Variants in NWD1 observed in about 807,000 individuals in gnomAD.
The protein encoded by NWD1 is NACHT domain- and WD repeat-containing protein 1.
NWD1 carries 129 observed loss-of-function variants against 135.1 expected under a neutral mutation model. That is an observed-to-expected ratio of 0.96 (90% CI 0.83 to 1.11). The LOEUF is 1.11. Ranked by LOEUF, NWD1 falls within the 50% of genes least tolerant of loss-of-function variation. The pLI is 0.00. For missense variants in NWD1, 1,740 were observed against 1,851.3 expected, an observed-to-expected ratio of 0.94 and a Z score of 1.10; for synonymous variants, 773 against 786.0, an observed-to-expected ratio of 0.98 and a Z score of 0.28.
At chr19:16,746,354 C>T (rs1054857531) in intron 5 of NWD1, among the ~76,000 whole-genome samples, 19 of 149,434 alleles carry the variant, frequency 1.3e-4, no homozygotes, top group Non-Finnish European at 1.8e-4. Flanking sequence ...AGTGAGACCC[C>T]GTATCAAACA....
Position 16,746,154 on chromosome 19 carries a change from G to T in NWD1, c.496+1436G>T, listed in dbSNP as rs150741756. 4.9e-3 allele frequency among the ~76,000 whole-genome samples: 724 copies of T among 149,088 alleles called. 3 individuals are homozygous for T. Among genetic ancestry groups the T allele is most frequent in the African/African-American group, 0.017 (700 of 40,228 alleles). ...TGGATTACTTGAGCCCCGAGTTGGAGACCAGTCTGGGCAACATGGCAAAAC... is the reference window on the plus strand; with the variant it reads ...TGGATTACTTGAGCCCCGAGTTGGATACCAGTCTGGGCAACATGGCAAAAC... On this transcript the variant is annotated intron_variant, in intron 5 of 18. Transcript: ENST00000524140.
chr19:16,769,962 C>A (rs1467463966), intron 10 of NWD1, among the ~76,000 whole-genome samples: 4 of 152,198 alleles, frequency 2.6e-5, no homozygotes, highest in African/African-American at 7.2e-5. Flanking sequence ...CTCAGCCTCC[C>A]AAGTAGCTGG....
intron 17 of NWD1, among the ~76,000 whole-genome samples, chr19:16,805,013 ATATTTATT>A (rs1041140336): frequency 1.3e-5 from 2 of 150,692 alleles, no homozygotes; most frequent in East Asian, 2.0e-4. Context: ...ATTTTTAAAA[ATATTTATT>A]TATTTATTTA....
At chr19:16,766,703 A>C (rs1599493165) in intron 10 of NWD1, among the ~76,000 whole-genome samples, 2 of 152,014 alleles carry the variant, frequency 1.3e-5, no homozygotes, top group South Asian at 4.2e-4. Flanking sequence ...CTCCTACCTC[A>C]GCCTTCTGAG....
chr19:16,754,277 A>G (rs1282479772), intron 6 of NWD1, among the ~76,000 whole-genome samples: 1 of 127,688 alleles, frequency 7.8e-6, no homozygotes, highest in Non-Finnish European at 1.7e-5. Flanking sequence ...TCATCTCTAT[A>G]TTCCATCCAT....
chr19:16,775,880 C>T (rs1202230060), intron 11 of NWD1, among the ~76,000 whole-genome samples: 2 of 152,086 alleles, frequency 1.3e-5, no homozygotes, highest in African/African-American at 2.4e-5. Context: ...GTTGGCCAGG[C>T]TGGTCTCAAA....
At chr19:16,734,861 T>G (rs947320154) in intron 3 of NWD1, among the ~76,000 whole-genome samples, 1 of 152,100 alleles carries the variant, frequency 6.6e-6, no homozygotes, top group African/African-American at 2.4e-5. Flanking sequence ...GCTGGGATTA[T>G]AGGGGTAAGC....
chr19:16,749,624 C>T lies in NWD1; in HGVS notation c.982C>T (p.His328Tyr), dbSNP rs767733729. Residue 328 changes from histidine (H) to tyrosine (Y), a missense_variant, in exon 6 of 19, where the codon CAC becomes TAC. Coordinates refer to ENST00000524140, the MANE Select transcript of NWD1 (RefSeq NM_001007525.5). ...GGCCCGGCTTGGGCAGCAGCTCAGG[C>T]ACGATGACAGCAAGCAGCACACCCC... Reference protein sequence around the residue: ...LLARLGQQLRHDDSKQHTPLV... With the variant: ...LLARLGQQLRYDDSKQHTPLV... 6.2e-7 allele frequency: 1 copy of T among 1,611,018 alleles called. No homozygotes were observed. The highest frequency in any genetic ancestry group is 1.1e-5 in the South Asian group (1 of 90,828).
At chr19:16,805,284 C>T (rs1486637947) in intron 17 of NWD1, among the ~76,000 whole-genome samples, 1 of 151,954 alleles carries the variant, frequency 6.6e-6, no homozygotes, top group African/African-American at 2.4e-5. Context: ...GTCTCGAACT[C>T]CTGACCTCAA....
intron 4 of NWD1, among the ~76,000 whole-genome samples, chr19:16,737,716 G>A (rs1967882284): frequency 6.6e-6 from 1 of 151,468 alleles, no homozygotes; most frequent in Non-Finnish European, 1.5e-5. Context: ...GCTCACACCT[G>A]TAATCCCAGC....
intron 12 of NWD1, among the ~76,000 whole-genome samples, chr19:16,781,649 C>G (rs1206479361): frequency 2.0e-5 from 3 of 151,636 alleles, no homozygotes; most frequent in African/African-American, 7.3e-5. Context: ...TATTTGTTGA[C>G]CTGAGATCTT....
intron 12 of NWD1, among the ~76,000 whole-genome samples, chr19:16,786,799 G>A (rs1040173850): frequency 1.3e-4 from 20 of 151,866 alleles, no homozygotes; most frequent in Admixed American, 8.5e-4. Flanking sequence ...CGATCTGCCC[G>A]CCTCAGCCTC....
At position 16,750,397 on chromosome 19, in the gene NWD1, C is replaced by T. The variant is rs1009532553; in HGVS notation, c.1755C>T (p.Tyr585=). 2 of 1,565,762 alleles carry T rather than the reference C, an allele frequency of 1.3e-6. No individual in the cohort carries two copies. The highest frequency in any genetic ancestry group is 4.0e-5 in the Admixed American group (2 of 49,510). The change falls in exon 6 of 19, where the codon TAC becomes TAT. Residue 585 remains tyrosine, a synonymous_variant. Coordinates refer to ENST00000524140, the MANE Select transcript of NWD1 (RefSeq NM_001007525.5). The stretch of plus-strand genomic sequence containing the variant: ...TCCTCGTGGCCCACGTGCTGGGCTA[C>T]ATTGTGTCTTCCCGGTAAGTCTCTG... The part of the protein sequence containing the change: ...GQLLVAHVLG[Y]IVSSRHGLSE...
intron 18 of NWD1, among the ~76,000 whole-genome samples, chr19:16,810,437 C>CAAAAAAAAAAAAAAA (rs529841524): frequency 1.5e-5 from 1 of 66,286 alleles, no homozygotes; most frequent in Non-Finnish European, 3.0e-5. Flanking sequence ...GACTCCATCT[C>CAAAAAAAAAAAAAAA]AAAAAAAAAA....
chr19:16,721,892 C>T (rs543989009), intron 1 of NWD1, among the ~76,000 whole-genome samples: 1 of 152,084 alleles, frequency 6.6e-6, no homozygotes, highest in Admixed American at 6.6e-5. Context: ...AGGAGGATGG[C>T]TTGAGGCCAA....
chr19:16,808,970 G>A (rs1165974025), intron 18 of NWD1, among the ~76,000 whole-genome samples: 3 of 152,162 alleles, frequency 2.0e-5, no homozygotes, highest in Non-Finnish European at 4.4e-5. Context: ...CTGTGATCCA[G>A]CTACTTGGAG....
chr19:16,757,067 G>A (rs763964096), intron 6 of NWD1, among the ~76,000 whole-genome samples: 7 of 152,118 alleles, frequency 4.6e-5, no homozygotes, highest in Non-Finnish European at 8.8e-5. Flanking sequence ...ATGATGGGGA[G>A]TTGTAGAATT....
At chr19:16,744,372 G>T in intron 4 of NWD1, 49 bp from the exon 5 acceptor site, 4 of 1,507,012 alleles carry the variant, frequency 2.7e-6, no homozygotes, top group Non-Finnish European at 3.6e-6. Context: ...GCAAGACCTT[G>T]TCTGAAGAAA....
chr19:16,737,296 C>T (rs777341948), intron 4 of NWD1, among the ~76,000 whole-genome samples: 3 of 151,786 alleles, frequency 2.0e-5, no homozygotes, highest in Admixed American at 6.6e-5. Context: ...GACAGAGTCT[C>T]AAAAAAGCCC....
Sources: allele counts gnomAD v4.1 joint callset (sites outside exome capture counted in the v4.1 genomes callset), GRCh38; gene constraint gnomAD v4.1.1; transcripts MANE v1.5; gene names NCBI Gene and HGNC (gene_info 2026-07-23, HGNC 2026-07-21).